Variants in SLC25A28 observed in about 807,000 individuals in gnomAD.
The protein encoded by SLC25A28 is solute carrier family 25 member 28.
In SLC25A28, 10 loss-of-function variants were observed where a neutral mutation model predicts 31.9. The ratio of observed to expected loss-of-function variants is 0.31; its 90% confidence interval spans 0.19 to 0.53. The LOEUF (loss-of-function observed/expected upper bound fraction) is 0.53. SLC25A28 is among the 20% of genes least tolerant of loss of function. SLC25A28 has a pLI of 0.95. For missense variants in SLC25A28, 256 were observed against 490.3 expected, an observed-to-expected ratio of 0.52 and a Z score of 4.51; for synonymous variants, 208 against 203.6, an observed-to-expected ratio of 1.02 and a Z score of -0.19.
chr10:99,648,504 G>A, the SLC25A28 span, among the ~76,000 whole-genome samples: 2 of 152,020 alleles, frequency 1.3e-5, no homozygotes, highest in African/African-American at 2.4e-5. Context: ...TTGGTAATTC[G>A]ATAGGGATTG....
chr10:99,636,086 A>T, the SLC25A28 span, among the ~76,000 whole-genome samples: 1 of 151,828 alleles, frequency 6.6e-6, no homozygotes, highest in Admixed American at 6.5e-5. Context: ...GTCAACAAAG[A>T]AACAATGGAT....
At chr10:99,652,609 CAT>C in the SLC25A28 span, among the ~76,000 whole-genome samples, 1 of 152,198 alleles carries the variant, frequency 6.6e-6, no homozygotes, top group Middle Eastern at 3.4e-3. Flanking sequence ...ACATGCTACA[CAT>C]GAGGAGGGTG....
chr10:99,617,194 A>G, intron 1 of SLC25A28: 3 of 985,452 alleles, frequency 3.0e-6, no homozygotes, highest in Non-Finnish European at 3.6e-6. Flanking sequence ...GAATGTCCCC[A>G]TAGATAAAGT....
upstream of SLC25A28, among the ~76,000 whole-genome samples, chr10:99,623,503 C>T (rs986775402): frequency 8.5e-5 from 13 of 152,302 alleles, no homozygotes; most frequent in African/African-American, 3.1e-4. Flanking sequence ...TGTTTATGCT[C>T]TCCTTTTCCT....
chr10:99,613,329 G>A lies in SLC25A28; in HGVS notation c.520+367C>T. Reference sequence around the variant, plus strand: ...AGTATCTTCCTTGGGTGGCTGGCTGGGTCGCCTCCAATCCTGCCCTAAGGA... The same window carrying A: ...AGTATCTTCCTTGGGTGGCTGGCTGAGTCGCCTCCAATCCTGCCCTAAGGA... On this transcript the variant is annotated intron_variant, in intron 2 of 3. Coordinates refer to ENST00000370495, the MANE Select transcript of SLC25A28 (RefSeq NM_031212.4). The surrounding 1 kb of genome is among the most constrained non-coding windows in gnomAD (Gnocchi z 4.9). 8 of 1,088,986 alleles carry A rather than the reference G, an allele frequency of 7.3e-6. No individual in the cohort carries two copies. Among genetic ancestry groups the A allele is most frequent in the Non-Finnish European group, 9.1e-6 (8 of 883,912 alleles). The allele number at this position is 1,088,986 out of a possible 1,614,324, so 67.5% of individuals were successfully genotyped here.
In SLC25A28 at chr10:99,611,634, A is replaced by G. The variant is rs2133333741; in HGVS notation, c.578-268T>C. 6.6e-6 allele frequency among the ~76,000 whole-genome samples: 1 copy of G among 152,264 alleles called. No homozygotes were observed. The highest frequency in any genetic ancestry group is 1.5e-5 in the Non-Finnish European group (1 of 68,002). On this transcript the variant is annotated intron_variant, in intron 3 of 3. Transcript: ENST00000370495. The surrounding 1 kb of genome is among the most constrained non-coding windows in gnomAD (Gnocchi z 5.5). ...GCCAGTTCGCACACAGGACATATCT[A>G]CAGTTTGGGAGCTTCAGAGAGTCTT... is the stretch of plus-strand genomic sequence containing the variant.
Position 99,620,063 on chromosome 10 carries a change from G to A in SLC25A28, c.273C>T (p.Tyr91=). 1 of 1,582,342 alleles carries A rather than the reference G, an allele frequency of 6.3e-7. No homozygotes were observed. Among genetic ancestry groups the A allele is most frequent in the Non-Finnish European group, 8.5e-7 (1 of 1,171,700 alleles). Residue 91 remains tyrosine (Y), a synonymous_variant, in exon 1 of 4, where the codon TAC becomes TAT. Transcript: ENST00000370495. ...VAGILEHCVM[Y]PIDCVKTRMQ... ...GTCTCACCTTGACGCAGTCGATGGGGTACATCACGCAGTGCTCCAGGATCC... is the reference window on the plus strand; with the variant it reads ...GTCTCACCTTGACGCAGTCGATGGGATACATCACGCAGTGCTCCAGGATCC...
chr10:99,624,380 G>A (rs2034846929), upstream of SLC25A28, among the ~76,000 whole-genome samples: 1 of 151,998 alleles, frequency 6.6e-6, no homozygotes, highest in Admixed American at 6.6e-5. Context: ...ACAGGTGTGA[G>A]CCACCACGCC....
chr10:99,616,411 T>C, intron 1 of SLC25A28: 1 of 940,398 alleles, frequency 1.1e-6, no homozygotes, highest in Non-Finnish European at 1.3e-6. Flanking sequence ...TGGTAATTTA[T>C]AAGATGCTAG....
At chr10:99,620,474 G>A (rs945428151), upstream of SLC25A28, 16 of 1,045,612 alleles carry the variant, frequency 1.5e-5, no homozygotes, top group Non-Finnish European at 1.7e-5. Flanking sequence ...CCGCGGACAC[G>A]CCCCCCAAGC....
At chr10:99,615,532 C>T (rs943520825) in intron 1 of SLC25A28, 2 of 985,220 alleles carry the variant, frequency 2.0e-6, no homozygotes, top group African/African-American at 1.7e-5. Context: ...AACAAAAAAC[C>T]GGAAGCTTAA....
At position 99,620,220 on chromosome 10, in the gene SLC25A28, C is replaced by T. The variant is rs1247455356; in HGVS notation, c.116G>A (p.Arg39Gln). Residue 39 changes from arginine (R) to glutamine (Q), a missense_variant, in exon 1 of 4, where the codon CGG becomes CAG. Arg to Gln is a conservative substitution (Grantham distance 43). Coordinates refer to ENST00000370495, the MANE Select transcript of SLC25A28 (RefSeq NM_031212.4). ...LDGWLQRGVG[R>Q]GAGGGEAGAC... ...CCCGGCCTCCCCGCCGCCGGCCCCC[C>T]GGCCCACGCCCCGCTGCAGCCACCC... The T allele has an allele frequency of 7.2e-7, 1 of 1,393,890 alleles. No homozygotes were observed. The highest frequency in any genetic ancestry group is 9.3e-7 in the Non-Finnish European group (1 of 1,074,934). The allele number at this position is 1,393,890 out of a possible 1,614,324, so 86.3% of individuals were successfully genotyped here. A position where few individuals can be genotyped will look rare whatever the true frequency, so the allele number is the denominator to read the frequency against.
At chr10:99,643,157 G>C in the SLC25A28 span, among the ~76,000 whole-genome samples, 1 of 152,112 alleles carries the variant, frequency 6.6e-6, no homozygotes, top group Admixed American at 6.6e-5. Flanking sequence ...GCTCCTCTTT[G>C]TACCTCTGCT....
Position 99,620,208 on chromosome 10 carries a change from C to A in SLC25A28, c.128G>T (p.Gly43Val), listed in dbSNP as rs767692072. 4 of 1,415,278 alleles carry A rather than the reference C, an allele frequency of 2.8e-6. No individual in the cohort carries two copies. In the South Asian group the frequency reaches 5.6e-5, roughly 20 times the overall value. 87.7% of individuals were successfully genotyped at this position (1,415,278 alleles called of 1,614,324 possible). The change falls in exon 1 of 4, where the codon GGC becomes GTC. Residue 43 changes from glycine (G) to valine (V), a missense_variant. This residue lies in a region of SLC25A28 where 10 missense variants were observed against 28.2 expected (regional missense o/e 0.35). Coordinates refer to ENST00000370495, the MANE Select transcript of SLC25A28 (RefSeq NM_031212.4). ...GGGCCTGCAGGCCCCGGCCTCCCCG[C>A]CGCCGGCCCCCCGGCCCACGCCCCG... ...LQRGVGRGAG[G>V]GEAGACRPPV... is the part of the protein sequence containing the mutation.
rs2034506511 is a variant in SLC25A28 at position 99,610,923 on chromosome 10, T to C, written c.1021A>G (p.Ile341Val). ...AAGAACTCATACACAGACCATGCGA[T>C]GGCTGTGGAGGGGATCTGGTAAATT... ...RVIYQIPSTA[I>V]AWSVYEFFKY... is the part of the protein sequence containing the mutation. Residue 341 changes from isoleucine (I) to valine (V), a missense_variant, in exon 4 of 4, where the codon ATC (isoleucine) becomes GTC (valine). Around this residue, in one of 4 missense-constraint regions of SLC25A28, gnomAD observed 158 missense variants for 379.1 expected, o/e 0.42. Coordinates refer to ENST00000370495, the MANE Select transcript of SLC25A28 (RefSeq NM_031212.4). The C allele has an allele frequency of 2.5e-6, 4 of 1,614,224 alleles. No individual in the cohort carries two copies. Among genetic ancestry groups the C allele is most frequent in the South Asian group, 1.1e-5 (1 of 91,090 alleles).
the SLC25A28 span, among the ~76,000 whole-genome samples, chr10:99,654,653 T>TCAACAA: frequency 1.4e-5 from 1 of 72,978 alleles, no homozygotes; most frequent in East Asian, 3.6e-4. Flanking sequence ...GAGACCCATC[T>TCAACAA]CAATAACAAC....
At chr10:99,638,117 A>G in the SLC25A28 span, among the ~76,000 whole-genome samples, 1 of 152,200 alleles carries the variant, frequency 6.6e-6, no homozygotes, top group African/African-American at 2.4e-5. Context: ...ATGGAAAAGA[A>G]TAGAGAACCC....
chr10:99,610,586 A>G lies in SLC25A28; in HGVS notation c.*263T>C. 1.9e-6 allele frequency: 1 copy of G among 513,514 alleles called. No individual in the cohort carries two copies. The highest frequency in any genetic ancestry group is 3.5e-6 in the Non-Finnish European group (1 of 283,474). The allele number at this position is 513,514 out of a possible 1,614,324, so 31.8% of individuals were successfully genotyped here. A position where few individuals can be genotyped will look rare whatever the true frequency, so the allele number is the denominator to read the frequency against. On this transcript the variant is annotated 3_prime_UTR_variant, in exon 4 of 4. Transcript: ENST00000370495. Reference sequence around the variant, plus strand: ...GCTGCTTATCCCTCTATAACAGTCTAGAGCAGGTCATCAGGCCCAGGATGG... The same window carrying G: ...GCTGCTTATCCCTCTATAACAGTCTGGAGCAGGTCATCAGGCCCAGGATGG...
upstream of SLC25A28, chr10:99,620,814 A>C: frequency 1.0e-6 from 1 of 985,454 alleles, no homozygotes; most frequent in Non-Finnish European, 1.2e-6. Flanking sequence ...CGACGCGCCC[A>C]GGGACTCTAG....
Sources: gnomAD v4.1 joint callset for allele counts (sites outside exome capture counted in the v4.1 genomes callset) on GRCh38, gnomAD v4.1.1 for gene constraint, gnomAD v4.1.1 regional missense constraint, Gnocchi (gnomAD v3.1) non-coding constraint, MANE v1.5 for transcripts, NCBI Gene and HGNC (gene_info 2026-07-23, HGNC 2026-07-21) for gene names.